Variants in PC observed in about 807,000 individuals in gnomAD.
PC encodes pyruvate carboxylase.
PC carries 46 observed loss-of-function variants against 107.8 expected under a neutral mutation model. The ratio of observed to expected loss-of-function variants is 0.43; its 90% confidence interval spans 0.34 to 0.55. The LOEUF is 0.55. Among genes scored for constraint, PC ranks in the 20% least tolerant of loss-of-function variants. The probability of loss-of-function intolerance (pLI) is 0.04; values close to 1 mark genes in which losing one functional copy is unlikely to be tolerated. For missense variants in PC, 1,241 were observed against 1,643.1 expected, an observed-to-expected ratio of 0.76 and a Z score of 4.23; for synonymous variants, 662 against 684.7, an observed-to-expected ratio of 0.97 and a Z score of 0.52.
Position 66,849,753 on chromosome 11 carries a change from ACCT to A in PC, c.3002_3004del (p.Glu1001del). The stretch of plus-strand genomic sequence containing the variant: ...TGCTGAGAGCACATCTTCCGGCGTC[ACCT>A]CCTCCCCATGCCGGTCTACCAGCTC... On this transcript the variant is annotated inframe_deletion, in exon 21 of 23. Coordinates refer to ENST00000393960, the MANE Select transcript of PC (RefSeq NM_001040716.2). 2 of 1,613,956 alleles carry A rather than the reference ACCT, an allele frequency of 1.2e-6. No individual in the cohort carries two copies. The highest frequency in any genetic ancestry group is 1.1e-5 in the South Asian group (1 of 91,074).
At position 66,857,451 on chromosome 11, in the gene PC, C is replaced by G. The variant is rs1945932006; in HGVS notation, c.1369-4068G>C. ...TGGGGACGCCTGGGAAAGGAAGTTC[C>G]GGGACCCTCCCTGCTCTCGGTCCTC... is the stretch of plus-strand genomic sequence containing the variant. On this transcript the variant is annotated intron_variant, in intron 12 of 22. Transcript: ENST00000393960. The surrounding 1 kb of genome is among the most constrained non-coding windows in gnomAD (Gnocchi z 7.1). 2.7e-6 allele frequency: 1 copy of G among 372,162 alleles called. No individual in the cohort carries two copies. The highest frequency in any genetic ancestry group is 4.8e-6 in the Non-Finnish European group (1 of 208,524). The allele number at this position is 372,162 out of a possible 1,614,324, so 23.1% of individuals were successfully genotyped here.
At chr11:66,936,331 A>C (rs1949003470) in intron 3 of PC, among the ~76,000 whole-genome samples, 2 of 152,146 alleles carry the variant, frequency 1.3e-5, no homozygotes, top group Non-Finnish European at 2.9e-5. Context: ...CACACACATA[A>C]GGGATATTAT....
At position 66,851,430 on chromosome 11, in the gene PC, G is replaced by A; in HGVS notation, c.1983-150C>T. 8.3e-6 allele frequency: 10 copies of A among 1,200,072 alleles called. 1 individual carries two copies. The South Asian group carries it at 1.1e-4, about 13-fold the overall frequency. The allele number at this position is 1,200,072 out of a possible 1,614,324, so 74.3% of individuals were successfully genotyped here. ...GGGGTGTGGCATCCACAGGCGGGGG[G>A]TGGCCACACAAGTGTGGACCAGGCC... On this transcript the variant is annotated intron_variant, in intron 16 of 22. Transcript: ENST00000393960.
intron 3 of PC, among the ~76,000 whole-genome samples, chr11:66,885,425 A>G (rs921073453): frequency 1.4e-5 from 2 of 146,922 alleles, no homozygotes; most frequent in Non-Finnish European, 3.0e-5. Flanking sequence ...CGGGAGGCAG[A>G]GGTTGCAGTG....
rs928352255 is a variant in PC, at chr11:66,850,460, C to G, written c.2478G>C (p.Val826=). 8.7e-6 allele frequency: 14 copies of G among 1,613,924 alleles called. No individual in the cohort carries two copies. Among genetic ancestry groups the G allele is most frequent in the Non-Finnish European group, 1.1e-5 (13 of 1,180,018 alleles). The change falls in exon 19 of 23, where the codon GTG becomes GTC. Residue 826 remains valine (V), a synonymous_variant. Transcript: ENST00000393960. ...CTRGTPLDTE[V]PMERVFDYSE... ...TGTAGTCAAACACGCGCTCCATGGG[C>G]ACCTCTGCAGGGAGGCCAGAGTCAG...
In PC at chr11:66,870,703, G is replaced by GTGAC; in HGVS notation, c.751+68_751+71dup. The GTGAC allele has an allele frequency of 1.4e-6, 2 of 1,442,960 alleles. No homozygotes were observed. Among genetic ancestry groups the GTGAC allele is most frequent in the South Asian group, 2.3e-5 (2 of 87,910 alleles). 89.4% of individuals were successfully genotyped at this position (1,442,960 alleles called of 1,614,324 possible). ...AGGGCTGTCCCCAAGGCCAGCCACT[G>GTGAC]TGACGGCACCAGGACTGGGCCTCTC... On this transcript the variant is annotated intron_variant, in intron 8 of 22. Coordinates refer to ENST00000393960, the MANE Select transcript of PC (RefSeq NM_001040716.2). This position sits in a 1 kb window ranked among gnomAD's most constrained non-coding sequence, Gnocchi z 6.1.
At chr11:66,920,048 C>T (rs1019423719) in intron 3 of PC, among the ~76,000 whole-genome samples, 2 of 152,158 alleles carry the variant, frequency 1.3e-5, no homozygotes, top group African/African-American at 2.4e-5. Context: ...AATGAATGAA[C>T]GGACTCAGAA....
chr11:66,851,647 T>A (rs1945496868), intron 16 of PC, 143 bp downstream of exon 16: 1 of 896,194 alleles, frequency 1.1e-6, no homozygotes, highest in East Asian at 2.6e-5. Flanking sequence ...CTTCTCGATA[T>A]TTCCAAACAG....
rs984166572 is a variant in PC at position 66,849,427 on chromosome 11, C to A, written c.3148-57G>T. ...ACGCCAAGGTGGGAGAGCAGTCCCC[C>A]GGCCCTGGCCATAGGAAGTCCCCAC... On this transcript the variant is annotated intron_variant, in intron 21 of 22. Coordinates refer to ENST00000393960, the MANE Select transcript of PC (RefSeq NM_001040716.2). 3 of 1,608,792 alleles carry A rather than the reference C, an allele frequency of 1.9e-6. No individual in the cohort carries two copies. In the African/African-American group the frequency reaches 4.0e-5, roughly 21 times the overall value.
rs1280460815 is a variant in PC at position 66,866,072 on chromosome 11, C to T, written c.1185+115G>A. 1.1e-5 allele frequency: 13 copies of T among 1,180,276 alleles called. No homozygotes were observed. The highest frequency in any genetic ancestry group is 1.6e-5 in the Non-Finnish European group (13 of 823,990). The allele number at this position is 1,180,276 out of a possible 1,614,324, so 73.1% of individuals were successfully genotyped here. ...TACTCTATGTCCACTTCAGAGCCCA[C>T]ATGCGGGTCCTCCCTAACTGCCGGG... On this transcript the variant is annotated intron_variant, in intron 11 of 22. Coordinates refer to ENST00000393960, the MANE Select transcript of PC (RefSeq NM_001040716.2). The surrounding 1 kb of genome is among the most constrained non-coding windows in gnomAD (Gnocchi z 5.4).
At chr11:66,872,684 G>A (rs935396626) in intron 3 of PC, among the ~76,000 whole-genome samples, 6 of 151,940 alleles carry the variant, frequency 3.9e-5, no homozygotes, top group Non-Finnish European at 8.8e-5. Flanking sequence ...GCAGCGAGCC[G>A]AGATCGTGCC....
chr11:66,864,688 G>A (rs1946417330), intron 11 of PC, among the ~76,000 whole-genome samples: 1 of 152,220 alleles, frequency 6.6e-6, no homozygotes, highest in Admixed American at 6.5e-5. Flanking sequence ...GCGGGGCAGC[G>A]GGACAGGGCC....
At chr11:66,896,369 G>A (rs920256999) in intron 3 of PC, among the ~76,000 whole-genome samples, 2 of 152,160 alleles carry the variant, frequency 1.3e-5, no homozygotes, top group African/African-American at 4.8e-5. Context: ...ATGAGCCATG[G>A]CTCCTGGCCC....
Position 66,853,329 on chromosome 11 carries a change from T to A in PC, c.1423A>T (p.Thr475Ser), listed in dbSNP as rs1945620579. Reference sequence around the variant, plus strand: ...TCGTCGATGAACTGGGTGTCCACAGTGCCTGCCAGGAACTGCTGGTTGTTG... The same window carrying A: ...TCGTCGATGAACTGGGTGTCCACAGAGCCTGCCAGGAACTGCTGGTTGTTG... ...VLNNQQFLAG[T>S]VDTQFIDENP... is the part of the protein sequence containing the mutation. Residue 475 changes from threonine to serine, a missense_variant, in exon 13 of 23, where the codon ACT becomes TCT. Coordinates refer to ENST00000393960, the MANE Select transcript of PC (RefSeq NM_001040716.2). The A allele has an allele frequency of 6.2e-7, 1 of 1,613,690 alleles. No homozygotes were observed. The highest frequency in any genetic ancestry group is 1.3e-5 in the African/African-American group (1 of 74,804).
intron 3 of PC, among the ~76,000 whole-genome samples, chr11:66,909,245 C>T (rs1948261885): frequency 6.6e-6 from 1 of 152,206 alleles, no homozygotes; most frequent in Non-Finnish European, 1.5e-5. Context: ...GGCTGGTGTG[C>T]TGCTGGTGTG....
intron 3 of PC, among the ~76,000 whole-genome samples, chr11:66,926,084 A>T (rs1019373547): frequency 6.6e-6 from 1 of 152,240 alleles, no homozygotes; most frequent in African/African-American, 2.4e-5. Flanking sequence ...TTCTTTGCAG[A>T]TGTGGAATTG....
At chr11:66,957,572 C>A (rs1029159225) in intron 1 of PC, among the ~76,000 whole-genome samples, 4 of 152,148 alleles carry the variant, frequency 2.6e-5, no homozygotes, top group African/African-American at 9.7e-5. Context: ...GCCGAGATCG[C>A]GCCACTGCAC....
chr11:66,927,808 T>C (rs1157287505), intron 3 of PC, among the ~76,000 whole-genome samples: 1 of 151,480 alleles, frequency 6.6e-6, no homozygotes, highest in Non-Finnish European at 1.5e-5. Context: ...GTGTCAAGCC[T>C]ACTCAAGGGG....
intron 12 of PC, chr11:66,860,511 G>A (rs752473286): frequency 1.7e-5 from 12 of 702,248 alleles, no homozygotes; most frequent in South Asian, 3.0e-5. Flanking sequence ...TAGGTCCCCC[G>A]AGACGGGAGG....
Sources: gnomAD v4.1 joint callset for allele counts (sites outside exome capture counted in the v4.1 genomes callset) on GRCh38, gnomAD v4.1.1 for gene constraint, Gnocchi (gnomAD v3.1) non-coding constraint, MANE v1.5 for transcripts, NCBI Gene and HGNC (gene_info 2026-07-23, HGNC 2026-07-21) for gene names.